Variants in CACNA1A observed in about 807,000 individuals in gnomAD.
The protein encoded by CACNA1A is voltage-dependent P/Q-type calcium channel subunit alpha-1A.
Under a neutral mutation model 262.4 loss-of-function variants are expected in CACNA1A, and 57 were observed. The ratio of observed to expected loss-of-function variants is 0.22; its 90% CI spans 0.18 to 0.27. The LOEUF is 0.27. CACNA1A is among the 10% of genes least tolerant of loss of function. CACNA1A has a pLI of 1.00. For missense variants in CACNA1A, 2,526 were observed against 3,562.8 expected (o/e 0.71, Z 7.41); for synonymous variants, 1,431 against 1,419.3 (o/e 1.01, Z -0.18).
chr19:13,360,411 C>G (rs2059086549), intron 5 of CACNA1A, among the ~76,000 whole-genome samples: 1 of 151,580 alleles, frequency 6.6e-6, no homozygotes, highest in African/African-American at 2.4e-5. Flanking sequence ...CTATTTACTT[C>G]TGGCAAATTT....
intron 6 of CACNA1A, among the ~76,000 whole-genome samples, chr19:13,347,820 A>C (rs1309794124): frequency 6.6e-6 from 1 of 152,246 alleles, no homozygotes; most frequent in African/African-American, 2.4e-5. Flanking sequence ...ATTTTGGTCA[A>C]GACAAACATC....
At chr19:13,323,784 T>C (rs188385687) in intron 10 of CACNA1A, among the ~76,000 whole-genome samples, 1 of 152,316 alleles carries the variant, frequency 6.6e-6, no homozygotes, top group Non-Finnish European at 1.5e-5. Flanking sequence ...TACGATCCCA[T>C]TTGTCCATTT....
intron 38 of CACNA1A, among the ~76,000 whole-genome samples, chr19:13,220,590 G>C (rs1279251475): frequency 6.6e-6 from 1 of 152,168 alleles, no homozygotes; most frequent in Non-Finnish European, 1.5e-5. Flanking sequence ...AGCCTCGTGA[G>C]ACCCTCAGCA....
intron 10 of CACNA1A, among the ~76,000 whole-genome samples, chr19:13,327,003 C>T (rs56287996): frequency 6.6e-6 from 1 of 151,896 alleles, no homozygotes; most frequent in South Asian, 2.1e-4. Flanking sequence ...GGTGATCCAC[C>T]TCAGCCTCAC....
Position 13,331,877 on chromosome 19 carries a change from C to T in CACNA1A, c.1255+992G>A, listed in dbSNP as rs1468540343. Among the ~76,000 whole-genome samples, 5 of 152,186 alleles carry T rather than the reference C, an allele frequency of 3.3e-5. No individual in the cohort carries two copies. The East Asian group carries it at 9.7e-4, about 30-fold the overall frequency. ...ACCTCATTATGTTGCCCAGGCTGGT[C>T]TTGAACTCCCAGGCTCAAGTGTTCC... On this transcript the variant is annotated intron_variant, in intron 9 of 46. Transcript: ENST00000360228.
intron 3 of CACNA1A, among the ~76,000 whole-genome samples, chr19:13,380,087 C>T (rs2059490584): frequency 7.4e-6 from 1 of 134,776 alleles, no homozygotes; most frequent in Non-Finnish European, 1.6e-5. Flanking sequence ...AGTTCGAGAC[C>T]AGCCTGGCCA....
At chr19:13,370,124 G>A (rs571167245) in intron 4 of CACNA1A, among the ~76,000 whole-genome samples, 3 of 151,558 alleles carry the variant, frequency 2.0e-5, no homozygotes, top group Admixed American at 1.3e-4. Flanking sequence ...TTTTTGAGAC[G>A]GAGTTTCACT....
rs190323928 is a variant in CACNA1A at position 13,456,567 on chromosome 19, G to A, written c.294-1355C>T. Among the ~76,000 whole-genome samples the A allele has an allele frequency of 5.0e-3, 757 of 152,206 alleles. 2 individuals are homozygous for A. Among genetic ancestry groups the A allele is most frequent in the Non-Finnish European group, 8.4e-3 (574 of 68,000 alleles). On this transcript the variant is annotated intron_variant, in intron 1 of 46. Coordinates refer to ENST00000360228, the MANE Select transcript of CACNA1A (RefSeq NM_001127222.2). ...CGGGCATCTGTAGTCCCAGCTACTCGGGAGGCTGAGGCAGGAGAATGGCGT... is the reference window on the plus strand; with the variant it reads ...CGGGCATCTGTAGTCCCAGCTACTCAGGAGGCTGAGGCAGGAGAATGGCGT...
intron 40 of CACNA1A, among the ~76,000 whole-genome samples, chr19:13,213,156 G>A (rs2054879798): frequency 6.6e-6 from 1 of 152,102 alleles, no homozygotes; most frequent in Admixed American, 6.6e-5. Flanking sequence ...GATCTGCCCT[G>A]TCACCTCCTT....
rs1064795658 is a variant in CACNA1A, at chr19:13,230,131, G to C, written c.5479C>G (p.His1827Asp). 1 of 1,613,906 alleles carries C rather than the reference G, an allele frequency of 6.2e-7. No individual in the cohort carries two copies. The highest frequency in any genetic ancestry group is 8.5e-7 in the Non-Finnish European group (1 of 1,179,870). ...TRDSSILGPH[H>D]LDEYVRVWAE... ...CAGACACGCACGTACTCATCCAGGT[G>C]GTGGGGGCCCAGGATGGAGGAGTCT... is the stretch of plus-strand genomic sequence containing the variant. Residue 1827 changes from histidine (H) to aspartate (D), a missense_variant, in exon 36 of 47, where the codon CAC becomes GAC. Physicochemically the swap from His to Asp is moderately conservative, Grantham distance 81. Transcript: ENST00000360228.
chr19:13,407,122 C>A (rs1484264172), intron 3 of CACNA1A, among the ~76,000 whole-genome samples: 2 of 152,176 alleles, frequency 1.3e-5, no homozygotes, highest in African/African-American at 2.4e-5. Context: ...ATATTTTGCT[C>A]TCCTGTGCTT....
At chr19:13,352,863 C>T (rs767531978) in intron 6 of CACNA1A, among the ~76,000 whole-genome samples, 1 of 152,046 alleles carries the variant, frequency 6.6e-6, no homozygotes, top group Non-Finnish European at 1.5e-5. Flanking sequence ...ACCTCCACCT[C>T]CTGGGCTCAA....
Position 13,323,555 on chromosome 19 carries a change from G to T in CACNA1A, c.1346-6234C>A, listed in dbSNP as rs533160298. Reference sequence around the variant, plus strand: ...CAGCTCACTGCAACCTCCTCCTCCCGGGCTCAAGGGATCGTCACATCTTAG... The same window carrying T: ...CAGCTCACTGCAACCTCCTCCTCCCTGGCTCAAGGGATCGTCACATCTTAG... On this transcript the variant is annotated intron_variant, in intron 10 of 46. Coordinates refer to ENST00000360228, the MANE Select transcript of CACNA1A (RefSeq NM_001127222.2). Among the ~76,000 whole-genome samples the T allele has an allele frequency of 2.0e-5, 3 of 152,208 alleles. No individual in the cohort carries two copies. The East Asian group carries it at 5.8e-4, about 29-fold the overall frequency.
chr19:13,240,094 T>C lies in CACNA1A; in HGVS notation c.4951-4364A>G, dbSNP rs544065302. On this transcript the variant is annotated intron_variant, in intron 31 of 46. Coordinates refer to ENST00000360228, the MANE Select transcript of CACNA1A (RefSeq NM_001127222.2). ...TGAAACGGGGAGGCAGAGGTTGCAG[T>C]TAGCTGACATTGTGCCACTGCACGC... Among the ~76,000 whole-genome samples, 12 of 150,648 alleles carry C rather than the reference T, an allele frequency of 8.0e-5. No homozygotes were observed. In the South Asian group the frequency reaches 2.5e-3, roughly 32 times the overall value.
At chr19:13,220,690 C>G (rs922442822) in intron 38 of CACNA1A, among the ~76,000 whole-genome samples, 1 of 152,144 alleles carries the variant, frequency 6.6e-6, no homozygotes, top group Non-Finnish European at 1.5e-5. Flanking sequence ...CTGTGGTCAT[C>G]ATATAGCTCA....
At chr19:13,417,460 T>G (rs2060243689) in intron 3 of CACNA1A, among the ~76,000 whole-genome samples, 1 of 152,180 alleles carries the variant, frequency 6.6e-6, no homozygotes, top group Admixed American at 6.5e-5. Context: ...GAGCCCATTC[T>G]GTAGGTAGTG....
rs371707372 is a variant in CACNA1A at position 13,460,078 on chromosome 19, C to G, written c.294-4866G>C. 9.8e-5 allele frequency among the ~76,000 whole-genome samples: 15 copies of G among 152,300 alleles called. No homozygotes were observed. In the East Asian group the frequency reaches 1.2e-3, roughly 12 times the overall value. ...CCCTCCCTCTGCTCACCCGCACCCC[C>G]GCAAGTGTCCACAGACATGCCCCAG... On this transcript the variant is annotated intron_variant, in intron 1 of 46. Coordinates refer to ENST00000360228, the MANE Select transcript of CACNA1A (RefSeq NM_001127222.2).
intron 3 of CACNA1A, among the ~76,000 whole-genome samples, chr19:13,444,088 G>A (rs933315622): frequency 1.3e-5 from 2 of 152,184 alleles, no homozygotes; most frequent in African/African-American, 2.4e-5. Flanking sequence ...GAAGTGATGT[G>A]GTTCCTGGTG....
At chr19:13,392,791 G>T (rs1427079322) in intron 3 of CACNA1A, among the ~76,000 whole-genome samples, 2 of 152,058 alleles carry the variant, frequency 1.3e-5, no homozygotes, top group Non-Finnish European at 2.9e-5. Context: ...CTGCCACCCA[G>T]GCTGGAGTAC....
Sources: allele counts gnomAD v4.1 joint callset (sites outside exome capture counted in the v4.1 genomes callset), GRCh38; gene constraint gnomAD v4.1.1; transcripts MANE v1.5; gene names NCBI Gene and HGNC (gene_info 2026-07-23, HGNC 2026-07-21).